SNX6: variants seen among roughly 807,000 people sequenced by gnomAD.
The protein encoded by SNX6 is sorting nexin 6.
SNX6 carries 34 observed loss-of-function variants against 63.0 expected under a neutral mutation model. The ratio of observed to expected loss-of-function variants is 0.54; its 90% CI spans 0.41 to 0.72. The LOEUF (loss-of-function observed/expected upper bound fraction) is 0.72. SNX6 is among the 30% of genes least tolerant of loss of function. The probability of loss-of-function intolerance (pLI) is 0.00; values close to 1 mark genes in which losing one functional copy is unlikely to be tolerated. For synonymous variants in SNX6, 170 were observed against 164.2 expected, an observed-to-expected ratio of 1.04 and a Z score of -0.27; for missense variants, 398 against 471.4, an observed-to-expected ratio of 0.84 and a Z score of 1.44.
chr14:34,584,601 T>C (rs1287712318), intron 9 of SNX6, among the ~76,000 whole-genome samples: 4 of 151,888 alleles, frequency 2.6e-5, no homozygotes, highest in Non-Finnish European at 4.4e-5. Flanking sequence ...CATACATACA[T>C]ATATATATAT....
intron 7 of SNX6, among the ~76,000 whole-genome samples, chr14:34,596,448 G>A (rs1400301376): frequency 2.7e-5 from 4 of 150,810 alleles, no homozygotes; most frequent in South Asian, 2.1e-4. Flanking sequence ...GTGAAACCCC[G>A]TTTCTACTAA....
intron 8 of SNX6, among the ~76,000 whole-genome samples, chr14:34,591,435 T>C (rs1269048089): frequency 6.6e-6 from 1 of 152,072 alleles, no homozygotes; most frequent in Non-Finnish European, 1.5e-5. Flanking sequence ...GGGTCTTTAT[T>C]GGTCTATCTA....
At chr14:34,599,704 G>A (rs1398398388) in intron 6 of SNX6, among the ~76,000 whole-genome samples, 1 of 149,790 alleles carries the variant, frequency 6.7e-6, no homozygotes, top group African/African-American at 2.5e-5. Flanking sequence ...CACCTGGGAG[G>A]CAGAGGTTGC....
intron 5 of SNX6, chr14:34,605,388 C>T (rs976887851): frequency 1.2e-5 from 4 of 346,202 alleles, no homozygotes; most frequent in Non-Finnish European, 2.1e-5. Context: ...ATTTAAATAA[C>T]TTTACAGTGG....
Position 34,603,342 on chromosome 14 carries a change from A to G in SNX6, c.516+6T>C. 1.3e-6 allele frequency: 2 copies of G among 1,592,412 alleles called. No individual in the cohort carries two copies. Among genetic ancestry groups the G allele is most frequent in the Non-Finnish European group, 1.7e-6 (2 of 1,173,650 alleles). ...AAACTTGACCACCAATCAATGTGAT[A>G]CTCACATCTTGATTATATTCCAAGA... On this transcript the variant is annotated splice_donor_region_variant and intron_variant, in intron 6 of 13. Transcript: ENST00000362031.
rs1881000740 is a variant in SNX6, at chr14:34,563,053, C to G, written c.*69G>C. On this transcript the variant is annotated 3_prime_UTR_variant, in exon 14 of 14. Transcript: ENST00000362031. ...GTTTCCAGTGAGCATAAATGCTTAA[C>G]ATCATTAAGAAAACAAAAATAAAAT... 2 of 1,472,048 alleles carry G rather than the reference C, an allele frequency of 1.4e-6. No homozygotes were observed. Among genetic ancestry groups the G allele is most frequent in the African/African-American group, 2.8e-5 (2 of 71,394 alleles). The allele number at this position is 1,472,048 out of a possible 1,614,324, so 91.2% of individuals were successfully genotyped here.
At chr14:34,629,831 C>A (rs992339726) in intron 2 of SNX6, 76 bp downstream of exon 2, 1 of 1,543,042 alleles carries the variant, frequency 6.5e-7, no homozygotes, top group South Asian at 1.2e-5. Context: ...GGGACCCATC[C>A]CCGTACCACA....
chr14:34,624,978 C>T (rs577746542), intron 2 of SNX6, among the ~76,000 whole-genome samples: 200 of 152,102 alleles, frequency 1.3e-3, no homozygotes, highest in African/African-American at 4.7e-3. Flanking sequence ...TGCAATGGCA[C>T]GCTCTCAGCT....
chr14:34,581,917 C>T (rs570968947), intron 9 of SNX6, among the ~76,000 whole-genome samples: 2 of 152,276 alleles, frequency 1.3e-5, no homozygotes, highest in Non-Finnish European at 2.9e-5. Flanking sequence ...TAACCTCTGC[C>T]TCCCGAGTTC....
At chr14:34,574,078 C>A (rs1881575426) in intron 11 of SNX6, among the ~76,000 whole-genome samples, 1 of 151,874 alleles carries the variant, frequency 6.6e-6, no homozygotes, top group South Asian at 2.1e-4. Context: ...TAGCTCATGC[C>A]TGTAATCCCA....
At chr14:34,595,820 T>C (rs189384114) in intron 7 of SNX6, among the ~76,000 whole-genome samples, 2 of 152,324 alleles carry the variant, frequency 1.3e-5, no homozygotes, top group Admixed American at 1.3e-4. Context: ...TTCTTTTTTT[T>C]CCTAGTATTT....
intron 4 of SNX6, among the ~76,000 whole-genome samples, chr14:34,606,060 G>T: frequency 6.6e-6 from 1 of 151,776 alleles, no homozygotes; most frequent in East Asian, 1.9e-4. Flanking sequence ...TGTAATCCCA[G>T]CGACTCGGGA....
intron 11 of SNX6, among the ~76,000 whole-genome samples, chr14:34,574,804 C>T (rs867622775): frequency 2.6e-4 from 40 of 151,650 alleles, no homozygotes; most frequent in Admixed American, 7.9e-4. Flanking sequence ...GTGATCCACC[C>T]GCCTCGGCCT....
At chr14:34,628,099 G>A (rs1291906034) in intron 2 of SNX6, among the ~76,000 whole-genome samples, 1 of 152,034 alleles carries the variant, frequency 6.6e-6, no homozygotes. Flanking sequence ...GCCTATAATC[G>A]CAGGAGGATC....
chr14:34,626,139 C>A (rs1041966622), intron 2 of SNX6, among the ~76,000 whole-genome samples: 1 of 152,052 alleles, frequency 6.6e-6, no homozygotes, highest in Non-Finnish European at 1.5e-5. Flanking sequence ...TTATGCTGTG[C>A]CCACCTATAA....
rs1409009335 is a variant in SNX6 at position 34,629,887 on chromosome 14, G to A, written c.54+20C>T. 3.2e-6 allele frequency: 5 copies of A among 1,554,936 alleles called. No individual in the cohort carries two copies. The African/African-American group carries it at 5.5e-5, about 17-fold the overall frequency. On this transcript the variant is annotated intron_variant, in intron 2 of 13. Coordinates refer to ENST00000362031, the MANE Select transcript of SNX6 (RefSeq NM_152233.4). ...AAGGAGGGTCCAGGGTCCCGCGAGC[G>A]AAAGGAAGGCAGAACTTACTCCGCG... is the stretch of plus-strand genomic sequence containing the variant.
At chr14:34,615,004 C>T (rs1198549659) in intron 2 of SNX6, among the ~76,000 whole-genome samples, 5 of 152,106 alleles carry the variant, frequency 3.3e-5, no homozygotes, top group Non-Finnish European at 7.3e-5. Flanking sequence ...GAGATATCTA[C>T]ATTTGAGAAG....
At chr14:34,571,695 G>C (rs912271159) in intron 11 of SNX6, among the ~76,000 whole-genome samples, 19 of 152,170 alleles carry the variant, frequency 1.2e-4, no homozygotes, top group African/African-American at 3.9e-4. Context: ...CACATATCAT[G>C]CATCCACAGC....
At chr14:34,607,790 C>T (rs1270461821) in intron 4 of SNX6, among the ~76,000 whole-genome samples, 1 of 152,070 alleles carries the variant, frequency 6.6e-6, no homozygotes. Flanking sequence ...TTATTGTAAT[C>T]CCAGCTACTT....
Sources: allele counts gnomAD v4.1 joint callset (sites outside exome capture counted in the v4.1 genomes callset), GRCh38; gene constraint gnomAD v4.1.1; transcripts MANE v1.5; gene names NCBI Gene and HGNC (gene_info 2026-07-23, HGNC 2026-07-21).